LRRC31: variants seen among roughly 807,000 people sequenced by gnomAD.
The protein encoded by LRRC31 is leucine rich repeat containing 31.
LRRC31 carries 35 observed loss-of-function variants against 46.7 expected under a neutral mutation model. The ratio of observed to expected loss-of-function variants is 0.75; its 90% CI spans 0.57 to 0.99. The LOEUF (loss-of-function observed/expected upper bound fraction) is 0.99. Ranked by LOEUF, LRRC31 falls within the 50% of genes least tolerant of loss-of-function variation. The probability of loss-of-function intolerance (pLI) is 0.00; values close to 1 mark genes in which losing one functional copy is unlikely to be tolerated. For missense variants in LRRC31, 613 were observed against 626.1 expected (o/e 0.98, Z 0.22); for synonymous variants, 236 against 235.1 (o/e 1.00, Z -0.03).
chr3:169,861,132 C>T (rs1226132946), intron 2 of LRRC31, among the ~76,000 whole-genome samples: 1 of 146,624 alleles, frequency 6.8e-6, no homozygotes, highest in South Asian at 2.1e-4. Flanking sequence ...TGCAGTGGCA[C>T]GATCTTGGCT....
At chr3:169,856,297 T>TTATATATGA in intron 5 of LRRC31, 39 bp downstream of exon 5, 2 of 1,305,006 alleles carry the variant, frequency 1.5e-6, no homozygotes, top group Non-Finnish European at 2.1e-6. Flanking sequence ...TCATATATAA[T>TTATATATGA]TATACATGTA....
chr3:169,868,721 A>C (rs944002119), intron 1 of LRRC31, among the ~76,000 whole-genome samples: 1 of 152,244 alleles, frequency 6.6e-6, no homozygotes, highest in Non-Finnish European at 1.5e-5. Flanking sequence ...ATTGCTTTTA[A>C]CAATTTAAAA....
At chr3:169,866,217 T>C (rs1781327597) in intron 1 of LRRC31, among the ~76,000 whole-genome samples, 1 of 151,938 alleles carries the variant, frequency 6.6e-6, no homozygotes, top group Non-Finnish European at 1.5e-5. Flanking sequence ...GAGAAACCAG[T>C]TAGGAAGCTA....
chr3:169,860,178 ACTC>A (rs574487607), intron 3 of LRRC31, among the ~76,000 whole-genome samples: 87 of 150,826 alleles, frequency 5.8e-4, no homozygotes, highest in Non-Finnish European at 1.0e-3. Flanking sequence ...AAATAAATAA[ACTC>A]CATGAAAGCA....
rs34162537 is a variant in LRRC31 at position 169,857,318 on chromosome 3, C to CTATATATATATATA, written c.488-460_488-447dup. Among the ~76,000 whole-genome samples the CTATATATATATATA allele has an allele frequency of 6.4e-3, 418 of 65,568 alleles. 1 individual carries two copies. Among genetic ancestry groups the CTATATATATATATA allele is most frequent in the Non-Finnish European group, 9.0e-3 (298 of 33,092 alleles). 43.0% of individuals were successfully genotyped at this position (65,568 alleles called of 152,430 possible). A position where few individuals can be genotyped will look rare whatever the true frequency, so the allele number is the denominator to read the frequency against. On this transcript the variant is annotated intron_variant, in intron 3 of 8. Transcript: ENST00000316428. ...CTCCAATGTCAAGAATATCACATGC[C>CTATATATATATATA]TATATATATATATATATATATATAT... is the stretch of plus-strand genomic sequence containing the variant.
Position 169,848,268 on chromosome 3 carries a change from G to A in LRRC31, c.1179C>T (p.Leu393=). Reference sequence around the variant, plus strand: ...AAAGGTTGAATACTTCCAGAGCAGAGAGGTGAACAGAGGCTTCAGCTAAAA... The same window carrying A: ...AAAGGTTGAATACTTCCAGAGCAGAAAGGTGAACAGAGGCTTCAGCTAAAA... ...FTALAEASVH[L]SALEVFNLSW... is the part of the protein sequence containing the mutation. Residue 393 remains leucine, a synonymous_variant, in exon 8 of 9, where the codon CTC becomes CTT. Coordinates refer to ENST00000316428, the MANE Select transcript of LRRC31 (RefSeq NM_024727.4). 6.2e-7 allele frequency: 1 copy of A among 1,614,128 alleles called. No individual in the cohort carries two copies. The highest frequency in any genetic ancestry group is 8.5e-7 in the Non-Finnish European group (1 of 1,179,970).
rs530871825 is a variant in LRRC31, at chr3:169,867,819, A to G, written c.175+1814T>C. On this transcript the variant is annotated intron_variant, in intron 1 of 8. Transcript: ENST00000316428. ...TAACTTTAGAGAGAGATTTGACAATATTTATTTTCATAACCCTTGAATTTG... is the reference window on the plus strand; with the variant it reads ...TAACTTTAGAGAGAGATTTGACAATGTTTATTTTCATAACCCTTGAATTTG... Among the ~76,000 whole-genome samples, 4 of 152,354 alleles carry G rather than the reference A, an allele frequency of 2.6e-5. No individual in the cohort carries two copies. In the South Asian group the frequency reaches 6.2e-4, roughly 24 times the overall value.
In LRRC31 at chr3:169,861,686, C is replaced by T. The variant is rs999134394; in HGVS notation, c.303G>A (p.Ala101=). The T allele has an allele frequency of 8.1e-6, 13 of 1,613,896 alleles. No homozygotes were observed. The highest frequency in any genetic ancestry group is 9.3e-6 in the Non-Finnish European group (11 of 1,180,018). Residue 101 remains alanine, a synonymous_variant, in exon 2 of 9, where the codon GCG becomes GCA. Transcript: ENST00000316428. ...LDLNNCGLTT[A]DMKEMVALLP... ...CATACAGACCCATTTCTTTCATGTC[C>T]GCTGTTGTTAATCCACAGTTATTCA...
intron 3 of LRRC31, among the ~76,000 whole-genome samples, chr3:169,857,170 C>T (rs1234481924): frequency 6.6e-6 from 1 of 151,422 alleles, no homozygotes; most frequent in African/African-American, 2.4e-5. Context: ...TAGGAAGCTG[C>T]TTTTGTGGTG....
chr3:169,841,920 C>T (rs1253644976), intron 8 of LRRC31, among the ~76,000 whole-genome samples: 1 of 152,062 alleles, frequency 6.6e-6, no homozygotes, highest in African/African-American at 2.4e-5. Flanking sequence ...TGGCGGGCAC[C>T]TGTAATCCCA....
intron 1 of LRRC31, among the ~76,000 whole-genome samples, chr3:169,864,026 GTGT>G (rs1465238644): frequency 6.9e-6 from 1 of 144,674 alleles, no homozygotes; most frequent in Admixed American, 6.7e-5. Flanking sequence ...GTGTGTGTGT[GTGT>G]TATTTTTGTA....
intron 1 of LRRC31, among the ~76,000 whole-genome samples, chr3:169,869,328 G>A (rs530848777): frequency 1.3e-5 from 2 of 151,942 alleles, no homozygotes; most frequent in Admixed American, 6.6e-5. Context: ...CTGAGATCAC[G>A]CCATTGCACT....
In LRRC31 at chr3:169,857,415, C is replaced by CATATATACATATATATATATATATATAT. The variant is rs144038208; in HGVS notation, c.488-544_488-543insATATATATATATATATATATGTATATAT. 5.7e-3 allele frequency among the ~76,000 whole-genome samples: 561 copies of CATATATACATATATATATATATATATAT among 98,514 alleles called. 18 individuals carry two copies. Among genetic ancestry groups the CATATATACATATATATATATATATATAT allele is most frequent in the Admixed American group, 0.027 (221 of 8,248 alleles). 64.6% of individuals were successfully genotyped at this position (98,514 alleles called of 152,430 possible). On this transcript the variant is annotated intron_variant, in intron 3 of 8. Transcript: ENST00000316428. The stretch of plus-strand genomic sequence containing the variant: ...ATACATACACACACATATACATATA[C>CATATATACATATATATATATATATATAT]ATATATATATATATGAGGAATATCA...
intron 5 of LRRC31, among the ~76,000 whole-genome samples, chr3:169,855,900 A>G (rs1392753426): frequency 6.6e-6 from 1 of 152,044 alleles, no homozygotes; most frequent in Non-Finnish European, 1.5e-5. Flanking sequence ...TAAATAAAAT[A>G]TAAAATATGT....
In LRRC31 at chr3:169,839,895, T is replaced by G; in HGVS notation, c.*87A>C. 3.0e-6 allele frequency: 3 copies of G among 987,136 alleles called. No homozygotes were observed. The highest frequency in any genetic ancestry group is 4.5e-6 in the Non-Finnish European group (3 of 667,340). 61.1% of individuals were successfully genotyped at this position (987,136 alleles called of 1,614,324 possible). On this transcript the variant is annotated 3_prime_UTR_variant, in exon 9 of 9. Coordinates refer to ENST00000316428, the MANE Select transcript of LRRC31 (RefSeq NM_024727.4). Reference sequence around the variant, plus strand: ...AAGTCCCATTAAATGGCCCAGAAGTTGAAATTCAGTTCATGACTCTGGAAT... The same window carrying G: ...AAGTCCCATTAAATGGCCCAGAAGTGGAAATTCAGTTCATGACTCTGGAAT...
intron 6 of LRRC31, among the ~76,000 whole-genome samples, chr3:169,853,893 A>T (rs1466219408): frequency 6.6e-6 from 1 of 152,238 alleles, no homozygotes. Context: ...ACATGCATTT[A>T]CTTGGTGCCA....
rs781480315 is a variant in LRRC31 at position 169,840,106 on chromosome 3, A to C, written c.1535T>G (p.Leu512Arg). ...FRHLLYAVTK[L>R]PQITEIGMKR... The stretch of plus-strand genomic sequence containing the variant: ...CATTCCTATCTCAGTGATCTGAGGA[A>C]GCTTGGTCACAGCATATAACAAGTG... The change falls in exon 9 of 9, where the codon CTT becomes CGT. Residue 512 changes from leucine to arginine, a missense_variant. Physicochemically the swap from Leu to Arg is moderately radical, Grantham distance 102. Transcript: ENST00000316428. 4.3e-5 allele frequency: 70 copies of C among 1,613,978 alleles called. No homozygotes were observed. Among genetic ancestry groups the C allele is most frequent in the Non-Finnish European group, 5.5e-5 (65 of 1,180,028 alleles).
intron 8 of LRRC31, 81 bp downstream of exon 8, chr3:169,848,030 TACCTCCCCC>T (rs912616989): frequency 2.7e-5 from 36 of 1,329,840 alleles, no homozygotes; most frequent in Non-Finnish European, 3.7e-5. Context: ...CCAGGTCTGG[TACCTCCCCC>T]ACCTCCCCAC....
chr3:169,856,954 T>C, intron 3 of LRRC31, 82 bp from the exon 4 acceptor site: 2 of 1,366,300 alleles, frequency 1.5e-6, no homozygotes, highest in East Asian at 2.4e-5. Context: ...ACAACCATGA[T>C]TAATGGAGTG....
Sources: allele counts gnomAD v4.1 joint callset (sites outside exome capture counted in the v4.1 genomes callset), GRCh38; gene constraint gnomAD v4.1.1; transcripts MANE v1.5; gene names NCBI Gene and HGNC (gene_info 2026-07-23, HGNC 2026-07-21).